The following CACNA1G variants were observed in gnomAD, a reference collection of about 807,000 sequenced individuals.
CACNA1G encodes voltage-dependent T-type calcium channel subunit alpha-1G.
A neutral mutation model predicts 219.4 loss-of-function variants in CACNA1G; 67 were observed. That is an observed-to-expected ratio of 0.31 (90% CI 0.25 to 0.37). The LOEUF (loss-of-function observed/expected upper bound fraction) is 0.37. Ranked by LOEUF, CACNA1G falls within the 10% of genes least tolerant of loss-of-function variation. The pLI, the probability that CACNA1G is intolerant of heterozygous loss-of-function variation, is 1.00. For synonymous variants in CACNA1G, 1,296 were observed against 1,345.3 expected, an observed-to-expected ratio of 0.96 and a Z score of 0.80; for missense variants, 2,380 against 3,231.4, an observed-to-expected ratio of 0.74 and a Z score of 6.39.
rs748417973 is a variant in CACNA1G at position 50,571,049 on chromosome 17, G to T, written c.587-829G>T. 3.3e-4 allele frequency among the ~76,000 whole-genome samples: 50 copies of T among 152,344 alleles called. No individual in the cohort carries two copies. Among genetic ancestry groups the T allele is most frequent in the Non-Finnish European group, 6.3e-4 (43 of 68,034 alleles). Reference sequence around the variant, plus strand: ...GGTTCAGACCATTTGGGCCGGTTGGGTTCTAGACCTGGAGTACGGAGAGAG... The same window carrying T: ...GGTTCAGACCATTTGGGCCGGTTGGTTTCTAGACCTGGAGTACGGAGAGAG... On this transcript the variant is annotated intron_variant, in intron 4 of 37. Transcript: ENST00000359106. This position sits in a 1 kb window ranked among gnomAD's most constrained non-coding sequence, Gnocchi z 4.3.
intron 1 of CACNA1G, 86 bp downstream of exon 1, chr17:50,561,787 CGCCAGGTGAGTCGAAGTGAG>C: frequency 7.8e-7 from 1 of 1,277,642 alleles, no homozygotes; most frequent in Non-Finnish European, 1.0e-6. Context: ...GAAGACCCAC[CGCCAGGTGAGTCGAAGTGAG>C]CCCGGAGGGT....
At position 50,608,098 on chromosome 17, in the gene CACNA1G, G is replaced by T. The variant is rs372144582; in HGVS notation, c.4705+79G>T. On this transcript the variant is annotated intron_variant, in intron 25 of 37. Coordinates refer to ENST00000359106, the MANE Select transcript of CACNA1G (RefSeq NM_018896.5). ...GCTTGACCTTGGCCTTGCGACTGCA[G>T]GGGGCTGGGCGCTGGGGCCGGGGGC... 79 of 1,360,606 alleles carry T rather than the reference G, an allele frequency of 5.8e-5. 1 individual carries two copies. In the East Asian group the frequency reaches 6.0e-4, roughly 10 times the overall value. 84.3% of individuals were successfully genotyped at this position (1,360,606 alleles called of 1,614,324 possible).
intron 8 of CACNA1G, among the ~76,000 whole-genome samples, chr17:50,577,355 T>C (rs2040914066): frequency 6.6e-6 from 1 of 151,674 alleles, no homozygotes; most frequent in Admixed American, 6.6e-5. Context: ...CTTTACCTGG[T>C]ACTCTCTGAG....
chr17:50,610,585 T>C (rs1443779010), intron 26 of CACNA1G, among the ~76,000 whole-genome samples: 2 of 151,966 alleles, frequency 1.3e-5, no homozygotes, highest in African/African-American at 4.8e-5. Flanking sequence ...GGTCCCCTGC[T>C]CTCCTCTCCC....
chr17:50,618,537 C>A lies in CACNA1G; in HGVS notation c.5428-118C>A. ...AGTGCTCCTCTGCCCCCAAACACTC[C>A]CTCCTCCTCCCCTTCCTTCCCATCC... is the stretch of plus-strand genomic sequence containing the variant. On this transcript the variant is annotated intron_variant, in intron 32 of 37. Transcript: ENST00000359106. This position sits in a 1 kb window ranked among gnomAD's most constrained non-coding sequence, Gnocchi z 5.3. 2 of 1,024,346 alleles carry A rather than the reference C, an allele frequency of 2.0e-6. No individual in the cohort carries two copies. The highest frequency in any genetic ancestry group is 2.9e-6 in the Non-Finnish European group (2 of 686,526). The allele number at this position is 1,024,346 out of a possible 1,614,324, so 63.5% of individuals were successfully genotyped here. A position where few individuals can be genotyped will look rare whatever the true frequency, so the allele number is the denominator to read the frequency against.
intron 27 of CACNA1G, among the ~76,000 whole-genome samples, chr17:50,615,741 T>C (rs1291039493): frequency 6.6e-6 from 1 of 152,130 alleles, no homozygotes; most frequent in Non-Finnish European, 1.5e-5. Flanking sequence ...AGAAAGGGAG[T>C]GGAGGACCTG....
intron 8 of CACNA1G, 120 bp downstream of exon 8, chr17:50,576,446 A>G (rs2040676602): frequency 2.0e-6 from 2 of 991,686 alleles, no homozygotes; most frequent in African/African-American, 3.2e-5. Flanking sequence ...GCTGCCTCTC[A>G]TGGCTTAGGC....
chr17:50,602,180 C>CG (rs2046830284), intron 19 of CACNA1G, among the ~76,000 whole-genome samples: 1 of 152,254 alleles, frequency 6.6e-6, no homozygotes, highest in Non-Finnish European at 1.5e-5. Flanking sequence ...GCTTCTCCAT[C>CG]TCCAGCTCTG....
At chr17:50,613,374 G>T (rs1205364006) in intron 26 of CACNA1G, among the ~76,000 whole-genome samples, 1 of 152,146 alleles carries the variant, frequency 6.6e-6, no homozygotes, top group African/African-American at 2.4e-5. Flanking sequence ...TCAGGGGCCG[G>T]GACCTGTCTA....
In CACNA1G at chr17:50,572,659, C is replaced by T. The variant is rs57790537; in HGVS notation, c.852C>T (p.Ser284=). ...AGAACGGCATGCGGTCCTGCAGAAG[C>T]GTGCCCACGCTGCGCGGGGACGGGG... ...PRENGMRSCR[S]VPTLRGDGGG... is the part of the protein sequence containing the mutation. The change falls in exon 6 of 38, where the codon AGC becomes AGT. Residue 284 remains serine, a synonymous_variant. Transcript: ENST00000359106. 1.7e-5 allele frequency: 27 copies of T among 1,607,280 alleles called. No homozygotes were observed. Among genetic ancestry groups the T allele is most frequent in the South Asian group, 5.5e-5 (5 of 90,162 alleles).
At position 50,572,694 on chromosome 17, in the gene CACNA1G, C is replaced by T; in HGVS notation, c.887C>T (p.Pro296Leu). 3 of 1,613,424 alleles carry T rather than the reference C, an allele frequency of 1.9e-6. No homozygotes were observed. Among genetic ancestry groups the T allele is most frequent in the Non-Finnish European group, 2.5e-6 (3 of 1,179,650 alleles). The part of the protein sequence containing the change: ...PTLRGDGGGG[P>L]PCGLDYEAYN... ...CTGCGCGGGGACGGGGGCGGTGGCC[C>T]ACCTTGCGGTCTGGACTATGAGGCC... The change falls in exon 6 of 38, where the codon CCA becomes CTA. Residue 296 changes from proline to leucine, a missense_variant. Pro to Leu is a moderately conservative substitution (Grantham distance 98). Coordinates refer to ENST00000359106, the MANE Select transcript of CACNA1G (RefSeq NM_018896.5).
chr17:50,617,545 T>C lies in CACNA1G; in HGVS notation c.5129T>C (p.Ile1710Thr), dbSNP rs1163782235. 2 of 1,613,996 alleles carry C rather than the reference T, an allele frequency of 1.2e-6. No homozygotes were observed. Among genetic ancestry groups the C allele is most frequent in the Non-Finnish European group, 1.7e-6 (2 of 1,179,890 alleles). The change falls in exon 29 of 38, where the codon ATC (isoleucine) becomes ACC (threonine). Residue 1710 changes from isoleucine (I) to threonine (T), a missense_variant. By Grantham distance (89) the Ile-to-Thr change is moderately conservative (BLOSUM62 -1). This residue lies in a region of CACNA1G where 123 missense variants were observed against 258.4 expected (regional missense o/e 0.48). Transcript: ENST00000359106. The surrounding 1 kb of genome is among the most constrained non-coding windows in gnomAD (Gnocchi z 5.8). Reference protein sequence around the residue: ...SLPINPTIIRIMRVLRIARVL... With the variant: ...SLPINPTIIRTMRVLRIARVL... The stretch of plus-strand genomic sequence containing the variant: ...CCCATCAACCCCACCATCATCCGCA[T>C]CATGAGGGTGCTGCGCATTGCCCGA...
intron 16 of CACNA1G, among the ~76,000 whole-genome samples, chr17:50,597,197 T>C (rs2145685155): frequency 6.6e-6 from 1 of 152,176 alleles, no homozygotes; most frequent in East Asian, 1.9e-4. Flanking sequence ...CTGATCTGCT[T>C]CTGTAAAATG....
Position 50,596,504 on chromosome 17 carries a change from C to A in CACNA1G, c.2980-58C>A. 1 of 1,420,502 alleles carries A rather than the reference C, an allele frequency of 7.0e-7. No individual in the cohort carries two copies. Among genetic ancestry groups the A allele is most frequent in the Non-Finnish European group, 9.9e-7 (1 of 1,005,198 alleles). 88.0% of individuals were successfully genotyped at this position (1,420,502 alleles called of 1,614,324 possible). A position where few individuals can be genotyped will look rare whatever the true frequency, so the allele number is the denominator to read the frequency against. On this transcript the variant is annotated intron_variant, in intron 14 of 37. Transcript: ENST00000359106. The surrounding 1 kb of genome is among the most constrained non-coding windows in gnomAD (Gnocchi z 4.8). Reference sequence around the variant, plus strand: ...TGTGTGAAGAGAGGGAGGCCCGGTCCATCCCAACCACCCAAGCCTGGCCGG... The same window carrying A: ...TGTGTGAAGAGAGGGAGGCCCGGTCAATCCCAACCACCCAAGCCTGGCCGG...
At chr17:50,594,254 A>G (rs1568078001) in intron 13 of CACNA1G, among the ~76,000 whole-genome samples, 2 of 152,184 alleles carry the variant, frequency 1.3e-5, no homozygotes, top group Non-Finnish European at 1.5e-5. Flanking sequence ...ACTTAATTAA[A>G]TGAACAGGCA....
At chr17:50,572,397 C>G (rs198546) in intron 5 of CACNA1G, among the ~76,000 whole-genome samples, 157 bp from the exon 6 acceptor site, 1 of 152,048 alleles carries the variant, frequency 6.6e-6, no homozygotes, top group African/African-American at 2.4e-5. Flanking sequence ...CTCCTGGTGC[C>G]CACAAATCCC....
chr17:50,568,773 T>G, intron 1 of CACNA1G, 97 bp from the exon 2 acceptor site: 1 of 913,822 alleles, frequency 1.1e-6, no homozygotes, highest in Non-Finnish European at 1.8e-6. Context: ...TAGCCTCAGA[T>G]GGAGCCAGGA....
rs1264658901 is a variant in CACNA1G at position 50,626,502 on chromosome 17, T to TG, written c.6891dup (p.Pro2298AlafsTer13). On this transcript the variant is annotated frameshift_variant, in exon 38 of 38. Transcript: ENST00000359106. LOFTEE classifies it high-confidence loss of function. The surrounding 1 kb of genome is among the most constrained non-coding windows in gnomAD (Gnocchi z 4.3). ...CCTCTAACCTTGGGGGCCAGCCTCTTGGGGGGCCTGGGAGCCGGCCCAAGA... is the reference window on the plus strand; with the variant it reads ...CCTCTAACCTTGGGGGCCAGCCTCTTGGGGGGGCCTGGGAGCCGGCCCAAGA... 3 of 1,580,272 alleles carry TG rather than the reference T, an allele frequency of 1.9e-6. No homozygotes were observed. Among genetic ancestry groups the TG allele is most frequent in the Admixed American group, 1.8e-5 (1 of 54,494 alleles).
At position 50,561,391 on chromosome 17, in the gene CACNA1G, G is replaced by T. The variant is rs1407425454; in HGVS notation, c.-69G>T. On this transcript the variant is annotated 5_prime_UTR_variant, in exon 1 of 38. It removes the in-frame stop codon of an upstream open reading frame in the 5' UTR. Transcript: ENST00000359106. ...CCCCGCCGGGGCCCCCGGGTTGCGT[G>T]AGGACACCTCCTCTGAGGGGCGCCG... 1 of 1,530,364 alleles carries T rather than the reference G, an allele frequency of 6.5e-7. No homozygotes were observed. The highest frequency in any genetic ancestry group is 8.7e-7 in the Non-Finnish European group (1 of 1,144,556). 94.8% of individuals were successfully genotyped at this position (1,530,364 alleles called of 1,614,324 possible).
Sources: gnomAD v4.1 joint callset for allele counts (sites outside exome capture counted in the v4.1 genomes callset) on GRCh38, gnomAD v4.1.1 for gene constraint, gnomAD v4.1.1 regional missense constraint, Gnocchi (gnomAD v3.1) non-coding constraint, MANE v1.5 for transcripts, NCBI Gene and HGNC (gene_info 2026-07-23, HGNC 2026-07-21) for gene names.